STIM1: variants seen among roughly 807,000 people sequenced by gnomAD.
The protein encoded by STIM1 is stromal interaction molecule 1.
In STIM1, 25 loss-of-function variants were observed where a neutral mutation model predicts 74.7. The ratio of observed to expected loss-of-function variants is 0.33; its 90% CI spans 0.24 to 0.47. The LOEUF is 0.47. STIM1 is among the 20% of genes least tolerant of loss of function. STIM1 has a pLI of 1.00. For synonymous variants in STIM1, 328 were observed against 348.8 expected, an observed-to-expected ratio of 0.94 and a Z score of 0.66; for missense variants, 728 against 920.8, an observed-to-expected ratio of 0.79 and a Z score of 2.71.
intron 2 of STIM1, among the ~76,000 whole-genome samples, chr11:4,011,369 T>A (rs919509523): frequency 2.0e-5 from 3 of 152,202 alleles, no homozygotes; most frequent in Non-Finnish European, 4.4e-5. Flanking sequence ...TCCACATCCT[T>A]TCCAGCATCT....
intron 1 of STIM1, among the ~76,000 whole-genome samples, chr11:3,904,554 G>GT (rs562472207): frequency 9.9e-5 from 15 of 151,868 alleles, no homozygotes; most frequent in East Asian, 1.9e-4. Context: ...TGACCAGAGT[G>GT]TTTTTTTTAG....
chr11:4,066,861 G>A (rs939625588), intron 5 of STIM1, among the ~76,000 whole-genome samples: 1 of 152,144 alleles, frequency 6.6e-6, no homozygotes, highest in Non-Finnish European at 1.5e-5. Context: ...GGATTATAAT[G>A]GGAAGAAGCA....
intron 1 of STIM1, among the ~76,000 whole-genome samples, chr11:3,907,342 C>T (rs756032168): frequency 6.6e-6 from 1 of 152,156 alleles, no homozygotes; most frequent in East Asian, 1.9e-4. Context: ...AGATTTCTCC[C>T]TGAATTTTAG....
At chr11:4,004,230 G>GA (rs1218963888) in intron 2 of STIM1, among the ~76,000 whole-genome samples, 1 of 152,104 alleles carries the variant, frequency 6.6e-6, no homozygotes, top group African/African-American at 2.4e-5. Context: ...CACAGAATTG[G>GA]AAAAAACTAA....
At chr11:4,007,541 G>A (rs1036803749) in intron 2 of STIM1, among the ~76,000 whole-genome samples, 7 of 152,170 alleles carry the variant, frequency 4.6e-5, no homozygotes, top group African/African-American at 1.2e-4. Flanking sequence ...TCCGTTGAGG[G>A]TATATGGTTT....
At chr11:3,894,589 G>A (rs1052836046) in intron 1 of STIM1, among the ~76,000 whole-genome samples, 1 of 152,094 alleles carries the variant, frequency 6.6e-6, no homozygotes, top group Non-Finnish European at 1.5e-5. Flanking sequence ...TTGTCCAAAG[G>A]GCCTGGCTGG....
At chr11:4,064,212 C>T (rs1473554925) in intron 5 of STIM1, among the ~76,000 whole-genome samples, 1 of 152,126 alleles carries the variant, frequency 6.6e-6, no homozygotes, top group Non-Finnish European at 1.5e-5. Context: ...ATTTGAAAAT[C>T]GCCGGCTGGA....
At chr11:3,950,875 G>A (rs113763934) in intron 1 of STIM1, among the ~76,000 whole-genome samples, 1 of 152,000 alleles carries the variant, frequency 6.6e-6, no homozygotes, top group African/African-American at 2.4e-5. Flanking sequence ...GTGATCCTCC[G>A]CCTCAGTCTC....
Position 3,997,681 on chromosome 11 carries a change from T to C in STIM1, c.271-26192T>C, listed in dbSNP as rs534430780. Among the ~76,000 whole-genome samples the C allele has an allele frequency of 2.0e-5, 3 of 152,276 alleles. No individual in the cohort carries two copies. In the South Asian group the frequency reaches 6.2e-4, roughly 32 times the overall value. ...GATATTGTACAGGTGAAAAGCCTGG[T>C]ACTGTCAGAGAGTTTTAAGTAATTC... On this transcript the variant is annotated intron_variant, in intron 2 of 12. Transcript: ENST00000526596.
intron 12 of STIM1, among the ~76,000 whole-genome samples, chr11:4,088,388 C>T (rs1321075206): frequency 6.6e-6 from 1 of 152,146 alleles, no homozygotes; most frequent in Admixed American, 6.5e-5. Flanking sequence ...TCAGCTCTGC[C>T]CCTTAAACCT....
intron 3 of STIM1, among the ~76,000 whole-genome samples, chr11:4,045,389 A>G (rs995006067): frequency 2.0e-5 from 3 of 152,142 alleles, no homozygotes; most frequent in Admixed American, 6.5e-5. Flanking sequence ...AACATCTGCA[A>G]TGCGTTAGGA....
chr11:3,905,734 T>G (rs765523326), intron 1 of STIM1, among the ~76,000 whole-genome samples: 1 of 152,214 alleles, frequency 6.6e-6, no homozygotes, highest in African/African-American at 2.4e-5. Context: ...ATTCAGCTAG[T>G]TAGTGGTGGA....
intron 2 of STIM1, among the ~76,000 whole-genome samples, chr11:4,015,303 T>G (rs1216965892): frequency 6.6e-6 from 1 of 152,222 alleles, no homozygotes; most frequent in African/African-American, 2.4e-5. Flanking sequence ...CTCCTTCACT[T>G]ATGAAGCTTA....
intron 2 of STIM1, among the ~76,000 whole-genome samples, chr11:3,994,677 C>T (rs1342171965): frequency 6.6e-6 from 1 of 152,060 alleles, no homozygotes; most frequent in Admixed American, 6.6e-5. Flanking sequence ...CCAGGCTGGT[C>T]TTTAACTCCT....
At chr11:4,002,864 G>A (rs61897207) in intron 2 of STIM1, among the ~76,000 whole-genome samples, 7,023 of 140,768 alleles carry the variant, frequency 0.05, 297 homozygotes, top group East Asian at 0.19. Context: ...GAAAAAAAGA[G>A]AGAAGAATCA....
chr11:3,857,383 T>G (rs1043890136), intron 1 of STIM1, among the ~76,000 whole-genome samples: 7 of 151,936 alleles, frequency 4.6e-5, no homozygotes, highest in African/African-American at 1.7e-4. Context: ...TCCCGGTAGC[T>G]GGGACTAAAC....
At chr11:4,047,358 G>C (rs1417136518) in intron 3 of STIM1, among the ~76,000 whole-genome samples, 4 of 152,094 alleles carry the variant, frequency 2.6e-5, no homozygotes, top group African/African-American at 7.2e-5. Flanking sequence ...GCTCACGTCT[G>C]TAATCCCAGC....
chr11:4,073,710 G>A (rs1346282420), intron 6 of STIM1, among the ~76,000 whole-genome samples: 1 of 152,200 alleles, frequency 6.6e-6, no homozygotes, highest in Non-Finnish European at 1.5e-5. Context: ...TCGGTGAACT[G>A]AGGGAATGTG....
chr11:4,037,424 T>G (rs138204545), intron 3 of STIM1, among the ~76,000 whole-genome samples: 381 of 152,328 alleles, frequency 2.5e-3, no homozygotes, highest in Non-Finnish European at 3.9e-3. Flanking sequence ...TGCCTATTTT[T>G]CCTTGTAGTT....
Sources: gnomAD v4.1 joint callset for allele counts (sites outside exome capture counted in the v4.1 genomes callset) on GRCh38, gnomAD v4.1.1 for gene constraint, MANE v1.5 for transcripts, NCBI Gene and HGNC (gene_info 2026-07-23, HGNC 2026-07-21) for gene names.